The following AGMO variants were observed in gnomAD, a reference collection of about 807,000 sequenced individuals.
AGMO encodes the protein alkylglycerol monooxygenase, also known as glyceryl-ether monooxygenase.
In AGMO, 75 loss-of-function variants were observed where a neutral mutation model predicts 60.2. That is an observed-to-expected ratio of 1.25 (90% CI 1.03 to 1.51). The LOEUF (loss-of-function observed/expected upper bound fraction) is 1.51. Ranked by LOEUF, AGMO falls within the 40% of genes most tolerant of loss-of-function variation. The pLI is 0.00. For synonymous variants in AGMO, 261 were observed against 177.1 expected (o/e 1.47, Z -3.76); for missense variants, 763 against 525.5 (o/e 1.45, Z -4.42).
chr7:15,189,329 T>G, the AGMO span, among the ~76,000 whole-genome samples: 1 of 149,662 alleles, frequency 6.7e-6, no homozygotes, highest in Non-Finnish European at 1.5e-5. Flanking sequence ...TGATTTTAAG[T>G]TTTTTTTTTC....
At chr7:15,265,879 T>G (rs973281332) in intron 12 of AGMO, among the ~76,000 whole-genome samples, 4 of 152,102 alleles carry the variant, frequency 2.6e-5, no homozygotes, top group African/African-American at 9.7e-5. Flanking sequence ...ATGGAGTCAG[T>G]GTATGTTCAC....
intron 4 of AGMO, among the ~76,000 whole-genome samples, chr7:15,427,107 T>C (rs1197690314): frequency 1.3e-5 from 2 of 152,144 alleles, no homozygotes; most frequent in Admixed American, 1.3e-4. Flanking sequence ...TAATATCCAG[T>C]TAAAAGTAAT....
chr7:15,249,706 G>A (rs1352362281), intron 12 of AGMO, among the ~76,000 whole-genome samples: 1 of 152,084 alleles, frequency 6.6e-6, no homozygotes, highest in Admixed American at 6.6e-5. Flanking sequence ...GGAAATAAAA[G>A]GGGTGGTGGG....
At chr7:15,361,546 A>AAAAAAAAAAAAAAAAAAAAAT in intron 12 of AGMO, among the ~76,000 whole-genome samples, 2 of 91,428 alleles carry the variant, frequency 2.2e-5, no homozygotes, top group South Asian at 3.6e-4. Context: ...TCTCAAAAAA[A>AAAAAAAAAAAAAAAAAAAAAT]AAAAAAAAGG....
the AGMO span, among the ~76,000 whole-genome samples, chr7:15,188,470 A>T: frequency 1.3e-5 from 2 of 152,220 alleles, no homozygotes; most frequent in African/African-American, 2.4e-5. Flanking sequence ...CTTGTACTAA[A>T]CATAAGTATA....
intron 10 of AGMO, among the ~76,000 whole-genome samples, chr7:15,375,249 A>G (rs554587963): frequency 6.6e-5 from 10 of 152,226 alleles, no homozygotes; most frequent in African/African-American, 2.4e-4. Context: ...TGCACTTTTA[A>G]TAGGAAACTT....
At chr7:15,379,248 C>T (rs746399667) in intron 10 of AGMO, among the ~76,000 whole-genome samples, 1 of 151,794 alleles carries the variant, frequency 6.6e-6, no homozygotes, top group East Asian at 1.9e-4. Flanking sequence ...AAAGCTATCA[C>T]AAGACAATAA....
intron 3 of AGMO, among the ~76,000 whole-genome samples, chr7:15,483,037 A>C (rs1217206043): frequency 6.6e-6 from 1 of 152,184 alleles, no homozygotes. Flanking sequence ...TACCAAAAGT[A>C]CTAATAAGTA....
At chr7:15,519,186 GT>G (rs1783909824) in intron 3 of AGMO, among the ~76,000 whole-genome samples, 1 of 151,818 alleles carries the variant, frequency 6.6e-6, no homozygotes, top group South Asian at 2.1e-4. Context: ...TCAAACCTAG[GT>G]TTGATTGTTG....
At chr7:15,493,365 CTTTTTTTTTT>C (rs71004387) in intron 3 of AGMO, among the ~76,000 whole-genome samples, 16 of 66,654 alleles carry the variant, frequency 2.4e-4, no homozygotes, top group South Asian at 4.9e-4. Context: ...ACACACACTT[CTTTTTTTTTT>C]TTTTTTTTTT....
chr7:15,550,170 T>C (rs1364514989), intron 2 of AGMO, among the ~76,000 whole-genome samples: 1 of 150,194 alleles, frequency 6.7e-6, no homozygotes, highest in Non-Finnish European at 1.5e-5. Flanking sequence ...CAAAGCAGTG[T>C]GTAGAGGGAA....
At chr7:15,400,892 G>A (rs1459433421) in intron 5 of AGMO, among the ~76,000 whole-genome samples, 1 of 152,038 alleles carries the variant, frequency 6.6e-6, no homozygotes, top group Non-Finnish European at 1.5e-5. Flanking sequence ...AGCCAGAGAT[G>A]GAAAAGTGAT....
At chr7:15,236,147 T>C (rs748697885) in intron 12 of AGMO, among the ~76,000 whole-genome samples, 3 of 152,128 alleles carry the variant, frequency 2.0e-5, no homozygotes, top group African/African-American at 7.2e-5. Context: ...TGTTCATGTA[T>C]AAAGATTTAA....
intron 3 of AGMO, among the ~76,000 whole-genome samples, chr7:15,457,011 G>C (rs768938831): frequency 2.0e-5 from 3 of 152,106 alleles, no homozygotes; most frequent in Non-Finnish European, 2.9e-5. Context: ...TTGGAAGCCA[G>C]TATCCATGTT....
At chr7:15,225,153 C>T (rs1266024978) in intron 12 of AGMO, among the ~76,000 whole-genome samples, 1 of 151,226 alleles carries the variant, frequency 6.6e-6, no homozygotes, top group Non-Finnish European at 1.5e-5. Context: ...TTTTTATTTA[C>T]CATCAGACGA....
At chr7:15,475,609 C>T (rs773272269) in intron 3 of AGMO, among the ~76,000 whole-genome samples, 1 of 151,800 alleles carries the variant, frequency 6.6e-6, no homozygotes, top group Non-Finnish European at 1.5e-5. Context: ...ATGGGTGCAG[C>T]AAACCGCCAT....
At chr7:15,163,114 C>T in the AGMO span, among the ~76,000 whole-genome samples, 1 of 152,010 alleles carries the variant, frequency 6.6e-6, no homozygotes, top group East Asian at 1.9e-4. Flanking sequence ...CTTAATTTGG[C>T]TCTCAGCTTG....
intron 3 of AGMO, among the ~76,000 whole-genome samples, chr7:15,521,975 A>C (rs1388918941): frequency 6.6e-6 from 1 of 152,218 alleles, no homozygotes; most frequent in Non-Finnish European, 1.5e-5. Context: ...AAAATGCCTT[A>C]AGCTGATAAG....
chr7:15,404,938 T>C, intron 5 of AGMO, among the ~76,000 whole-genome samples: 1 of 151,860 alleles, frequency 6.6e-6, no homozygotes, highest in Non-Finnish European at 1.5e-5. Flanking sequence ...TAAACTTTTA[T>C]CTGTTAAAAA....
Sources: allele counts gnomAD v4.1 joint callset (sites outside exome capture counted in the v4.1 genomes callset), GRCh38; gene constraint gnomAD v4.1.1; transcripts MANE v1.5; gene names NCBI Gene and HGNC (gene_info 2026-07-23, HGNC 2026-07-21).